The following TBC1D22A variants were observed in gnomAD, a reference collection of about 807,000 sequenced individuals.
TBC1D22A encodes putative GTPase activator.
In TBC1D22A, 38 loss-of-function variants were observed where a neutral mutation model predicts 60.2. That is an observed-to-expected ratio of 0.63 (90% CI 0.49 to 0.83). The LOEUF is 0.83. Ranked by LOEUF, TBC1D22A falls within the 40% of genes least tolerant of loss-of-function variation. The probability of loss-of-function intolerance (pLI) is 0.00; values close to 1 mark genes in which losing one functional copy is unlikely to be tolerated. For missense variants in TBC1D22A, 628 were observed against 701.0 expected (o/e 0.90, Z 1.18); for synonymous variants, 302 against 281.7 (o/e 1.07, Z -0.72).
intron 4 of TBC1D22A, among the ~76,000 whole-genome samples, chr22:46,874,313 C>G (rs1208432167): frequency 1.3e-5 from 2 of 152,074 alleles, no homozygotes; most frequent in Admixed American, 1.3e-4. Context: ...AATGAGATTG[C>G]TGGGTCAAAT....
intron 4 of TBC1D22A, among the ~76,000 whole-genome samples, chr22:46,855,475 C>T (rs1270363201): frequency 2.0e-5 from 3 of 152,092 alleles, no homozygotes; most frequent in Non-Finnish European, 2.9e-5. Context: ...GGTTGGGGTT[C>T]AGAGGGGCCT....
chr22:47,135,032 C>T (rs2066812326), intron 12 of TBC1D22A, among the ~76,000 whole-genome samples: 1 of 152,256 alleles, frequency 6.6e-6, no homozygotes, highest in African/African-American at 2.4e-5. Flanking sequence ...ATCGGGACCC[C>T]TCTTGCACCT....
chr22:47,113,230 G>A (rs963067741), intron 12 of TBC1D22A, among the ~76,000 whole-genome samples: 4 of 152,174 alleles, frequency 2.6e-5, no homozygotes, highest in African/African-American at 9.7e-5. Context: ...GCTGCCTCCC[G>A]GAGAGCCTCC....
chr22:47,058,341 A>G (rs2063464278), intron 11 of TBC1D22A, among the ~76,000 whole-genome samples: 1 of 151,724 alleles, frequency 6.6e-6, no homozygotes, highest in Admixed American at 6.6e-5. Context: ...CCTGCCCCCC[A>G]GCTTATGATT....
At chr22:46,778,767 C>A (rs2083810088) in intron 1 of TBC1D22A, among the ~76,000 whole-genome samples, 1 of 82,896 alleles carries the variant, frequency 1.2e-5, no homozygotes, top group South Asian at 3.1e-4. Context: ...GTACAATAGG[C>A]CAGGCACAGT....
intron 8 of TBC1D22A, among the ~76,000 whole-genome samples, chr22:46,926,762 T>C (rs1243150357): frequency 3.9e-5 from 6 of 152,186 alleles, no homozygotes; most frequent in African/African-American, 7.2e-5. Context: ...CTGACCGAGT[T>C]CCTAGCCTGC....
At chr22:47,118,122 C>CA (rs10714906) in intron 12 of TBC1D22A, among the ~76,000 whole-genome samples, 7 of 151,260 alleles carry the variant, frequency 4.6e-5, no homozygotes, top group Admixed American at 1.3e-4. Context: ...GACTCCGTCT[C>CA]AAAAAAAATA....
intron 1 of TBC1D22A, among the ~76,000 whole-genome samples, chr22:46,779,402 G>A (rs547138657): frequency 2.0e-5 from 3 of 151,966 alleles, no homozygotes; most frequent in South Asian, 2.1e-4. Flanking sequence ...TTTTTTAAAG[G>A]TGCCCACCAC....
intron 8 of TBC1D22A, among the ~76,000 whole-genome samples, chr22:46,949,551 C>T (rs867199810): frequency 2.4e-4 from 37 of 152,334 alleles, no homozygotes; most frequent in South Asian, 4.1e-4. Context: ...GTTATTCCTA[C>T]TCGTTTGGTG....
intron 8 of TBC1D22A, among the ~76,000 whole-genome samples, chr22:46,934,797 G>A (rs1486268753): frequency 6.6e-6 from 1 of 152,188 alleles, no homozygotes; most frequent in Non-Finnish European, 1.5e-5. Flanking sequence ...TACGCTGCTG[G>A]AGAGGGAGCA....
intron 11 of TBC1D22A, among the ~76,000 whole-genome samples, chr22:47,050,525 C>A (rs2063174220): frequency 6.6e-6 from 1 of 152,184 alleles, no homozygotes; most frequent in African/African-American, 2.4e-5. Flanking sequence ...ACATTTTAAG[C>A]TTGAGAGCAT....
At chr22:46,894,990 GAC>G (rs1845675137) in intron 7 of TBC1D22A, 144 bp downstream of exon 7, 1 of 782,700 alleles carries the variant, frequency 1.3e-6, no homozygotes, top group Non-Finnish European at 2.2e-6. Flanking sequence ...AGCCCTTGTG[GAC>G]ACAGTTGCTG....
At chr22:46,998,891 T>TCCA (rs2075213396) in intron 10 of TBC1D22A, among the ~76,000 whole-genome samples, 1 of 152,386 alleles carries the variant, frequency 6.6e-6, no homozygotes, top group East Asian at 1.9e-4. Context: ...CACCGCACGC[T>TCCA]CCACCGCGCG....
chr22:46,997,506 G>A (rs1031506204), intron 9 of TBC1D22A, 128 bp from the exon 10 acceptor site: 3 of 715,420 alleles, frequency 4.2e-6, no homozygotes, highest in Non-Finnish European at 7.1e-6. Flanking sequence ...TGTTTCTCGA[G>A]ATAAAATCTC....
At chr22:47,110,588 C>G (rs1036745413) in intron 11 of TBC1D22A, among the ~76,000 whole-genome samples, 7 of 152,232 alleles carry the variant, frequency 4.6e-5, no homozygotes, top group Non-Finnish European at 1.0e-4. Context: ...TCTTCACACA[C>G]AAACCCCCTT....
At chr22:46,832,452 A>G (rs1233456784) in intron 4 of TBC1D22A, among the ~76,000 whole-genome samples, 1 of 152,160 alleles carries the variant, frequency 6.6e-6, no homozygotes, top group Non-Finnish European at 1.5e-5. Flanking sequence ...AGTTCGAGAC[A>G]AGCCTGGCCA....
At chr22:47,033,775 C>G (rs112743221) in intron 10 of TBC1D22A, among the ~76,000 whole-genome samples, 1 of 152,144 alleles carries the variant, frequency 6.6e-6, no homozygotes. Context: ...GGGAAGCCTG[C>G]GTGGTAGCAT....
At chr22:46,839,584 A>T (rs1049597371) in intron 4 of TBC1D22A, among the ~76,000 whole-genome samples, 2 of 152,346 alleles carry the variant, frequency 1.3e-5, no homozygotes, top group Admixed American at 6.5e-5. Context: ...TTGCAAAAAG[A>T]AGAAAAACAA....
chr22:46,852,426 G>A (rs1569131170), intron 4 of TBC1D22A, among the ~76,000 whole-genome samples: 2 of 152,150 alleles, frequency 1.3e-5, no homozygotes, highest in Admixed American at 6.5e-5. Context: ...CTTGGTACAC[G>A]TTCCCTTGAG....
Sources: gnomAD v4.1 joint callset for allele counts (sites outside exome capture counted in the v4.1 genomes callset) on GRCh38, gnomAD v4.1.1 for gene constraint, MANE v1.5 for transcripts, NCBI Gene and HGNC (gene_info 2026-07-23, HGNC 2026-07-21) for gene names.